MSL3: variants seen among roughly 807,000 people sequenced by gnomAD.
MSL3 encodes the protein MSL3-like 1.
A neutral mutation model predicts 37.2 loss-of-function variants in MSL3; 5 were observed. The ratio of observed to expected loss-of-function variants is 0.13; its 90% CI spans 0.07 to 0.28. The LOEUF is 0.28. MSL3 is among the 10% of genes least tolerant of loss of function. The pLI is 1.00. For synonymous variants in MSL3, 149 were observed against 147.6 expected, an observed-to-expected ratio of 1.01 and a Z score of -0.07; for missense variants, 315 against 408.5, an observed-to-expected ratio of 0.77 and a Z score of 1.97.
intron 7 of MSL3, 146 bp downstream of exon 7, chrX:11,763,143 A>C: frequency 1.9e-6 from 1 of 514,586 alleles, no homozygotes; most frequent in Non-Finnish European, 2.9e-6. Context: ...TGAATCATCT[A>C]ATATTAAAAC....
intron 9 of MSL3, chrX:11,768,183 C>T: frequency 7.6e-6 from 1 of 130,929 alleles, no homozygotes; most frequent in Non-Finnish European, 1.5e-5. Context: ...CAGCACCCCC[C>T]CACGAGAAAC....
chrX:11,759,998 C>A, intron 2 of MSL3, 123 bp downstream of exon 2: 2 of 798,611 alleles, frequency 2.5e-6, no homozygotes, highest in Non-Finnish European at 3.5e-6. Flanking sequence ...TACTTTGTAG[C>A]ATTGCAAACT....
At chrX:11,769,314 G>A (rs775885304) in intron 10 of MSL3, among the ~76,000 whole-genome samples, 2 of 112,213 alleles carry the variant, frequency 1.8e-5, no homozygotes, top group African/African-American at 6.5e-5. Context: ...TCCCTTCAGG[G>A]ATGGGCTCTA....
intron 12 of MSL3, among the ~76,000 whole-genome samples, chrX:11,774,637 T>A (rs958936760): frequency 8.9e-6 from 1 of 112,099 alleles, no homozygotes; most frequent in African/African-American, 3.2e-5. Flanking sequence ...TTGTTTTTAA[T>A]AGTTTGTTTG....
At chrX:11,766,216 CCAT>C (rs2053181746) in intron 9 of MSL3, 1 of 770,292 alleles carries the variant, frequency 1.3e-6, no homozygotes, top group Non-Finnish European at 1.5e-6. Flanking sequence ...AACTCAAACT[CCAT>C]CAGATCTTCT....
chrX:11,762,692 C>T lies in MSL3; in HGVS notation c.589-145C>T, dbSNP rs753729280. Reference sequence around the variant, plus strand: ...AAAAAAAGATCAAAGAGATTGCGAACATATTTAAGAAGTTCTATTCAAACA... The same window carrying T: ...AAAAAAAGATCAAAGAGATTGCGAATATATTTAAGAAGTTCTATTCAAACA... On this transcript the variant is annotated intron_variant, in intron 6 of 12. Transcript: ENST00000312196. The T allele has an allele frequency of 1.2e-5, 6 of 496,166 alleles. No homozygotes were observed. The African/African-American group carries it at 1.5e-4, about 12-fold the overall frequency. 40.9% of individuals were successfully genotyped at this position (496,166 alleles called of 1,213,427 possible).
Position 11,760,920 on chromosome X carries a change from A to G in MSL3, c.365A>G (p.Asp122Gly). The change falls in exon 4 of 13, where the codon GAT becomes GGT. Residue 122 changes from aspartate to glycine, a missense_variant. Transcript: ENST00000312196. ...VLKGLPTEEK[D>G]ENDENSLSSS... ...AAAGGCCTCCCCACTGAAGAAAAAG[A>G]TGAAAATGATGAAAACTGTGAGTAG... 8.4e-7 allele frequency: 1 copy of G among 1,185,004 alleles called. No homozygotes were observed. Among genetic ancestry groups the G allele is most frequent in the Non-Finnish European group, 1.1e-6 (1 of 877,896 alleles).
At chrX:11,761,452 T>C (rs1044654120) in intron 4 of MSL3, 48 bp from the exon 5 acceptor site, 1 of 861,242 alleles carries the variant, frequency 1.2e-6, no homozygotes, top group Non-Finnish European at 1.7e-6. Context: ...ACATAAGGGT[T>C]GGTGAAGTAT....
intron 4 of MSL3, 30 bp from the exon 5 acceptor site, chrX:11,761,470 G>A: frequency 2.8e-6 from 3 of 1,061,409 alleles, no homozygotes; most frequent in South Asian, 2.0e-5. Flanking sequence ...TATAAAATGC[G>A]AGTTTACCGG....
chrX:11,770,672 G>C (rs2053224863), intron 10 of MSL3, among the ~76,000 whole-genome samples: 1 of 111,148 alleles, frequency 9.0e-6, no homozygotes, highest in African/African-American at 3.3e-5. Context: ...GCCAGTAAAG[G>C]TCCATCAATG....
chrX:11,759,696 G>A, intron 1 of MSL3, 97 bp from the exon 2 acceptor site: 1 of 1,176,703 alleles, frequency 8.5e-7, no homozygotes, highest in African/African-American at 1.8e-5. Context: ...AGGAGAGAAT[G>A]CTTTCTTTAA....
At position 11,765,530 on chromosome X, in the gene MSL3, G is replaced by C. The variant is rs2053172978; in HGVS notation, c.972G>C (p.Glu324Asp). 8.3e-7 allele frequency: 1 copy of C among 1,208,230 alleles called. No individual in the cohort carries two copies. The highest frequency in any genetic ancestry group is 1.8e-5 in the South Asian group (1 of 56,592). ...LLNPSTPQST[E>D]SQPTTGEPAT... Reference sequence around the variant, plus strand: ...ATCCATCCACGCCACAGTCCACAGAGAGTCAGCCGACCACCGGTGAACCAG... The same window carrying C: ...ATCCATCCACGCCACAGTCCACAGACAGTCAGCCGACCACCGGTGAACCAG... Residue 324 changes from glutamate (E) to aspartate (D), a missense_variant, in exon 9 of 13, where the codon GAG (glutamate) becomes GAC (aspartate). Coordinates refer to ENST00000312196, the MANE Select transcript of MSL3 (RefSeq NM_078629.4).
chrX:11,768,302 A>G (rs1409149371), intron 9 of MSL3: 3 of 195,687 alleles, frequency 1.5e-5, no homozygotes, highest in Admixed American at 1.5e-4. Context: ...TTTCATATAA[A>G]TGGAAACATA....
At position 11,775,094 on chromosome X, in the gene MSL3, T is replaced by C. The variant is rs2053263609; in HGVS notation, c.*15T>C. On this transcript the variant is annotated 3_prime_UTR_variant, in exon 13 of 13. Coordinates refer to ENST00000312196, the MANE Select transcript of MSL3 (RefSeq NM_078629.4). ...CAATTTATTAAAATGTTGTTGGTTC[T>C]GTAAGAGCAACTGCTCTGTCTAGTT... The C allele has an allele frequency of 8.8e-7, 1 of 1,138,766 alleles. No individual in the cohort carries two copies. The highest frequency in any genetic ancestry group is 1.8e-5 in the African/African-American group (1 of 55,639). 93.8% of individuals were successfully genotyped at this position (1,138,766 alleles called of 1,213,427 possible).
At chrX:11,768,460 G>T (rs1186072016) in intron 9 of MSL3, 113 bp from the exon 10 acceptor site, 6 of 489,952 alleles carry the variant, frequency 1.2e-5, no homozygotes, top group Non-Finnish European at 2.1e-5. Flanking sequence ...TATCGTTAAA[G>T]GTTGGTAATT....
In MSL3 at chrX:11,758,373, C is replaced by A; in HGVS notation, c.102+8C>A. 1.8e-6 allele frequency: 2 copies of A among 1,091,308 alleles called. No individual in the cohort carries two copies. The highest frequency in any genetic ancestry group is 4.0e-5 in the East Asian group (1 of 25,159). 89.9% of individuals were successfully genotyped at this position (1,091,308 alleles called of 1,213,427 possible). The stretch of plus-strand genomic sequence containing the variant: ...GTGCTGTACGATGCCAAGGTGCCGC[C>A]GCGGAGGGACAGGGAGGAGGCGCGG... On this transcript the variant is annotated splice_region_variant and intron_variant, in intron 1 of 12. Coordinates refer to ENST00000312196, the MANE Select transcript of MSL3 (RefSeq NM_078629.4).
intron 12 of MSL3, 138 bp downstream of exon 12, chrX:11,772,843 C>T (rs2053242797): frequency 5.5e-6 from 2 of 365,373 alleles, no homozygotes; most frequent in Non-Finnish European, 9.3e-6. Context: ...TTGGTTCTAA[C>T]CGTAATGGGA....
At chrX:11,774,653 CAG>C (rs1177030974) in intron 12 of MSL3, among the ~76,000 whole-genome samples, 1 of 111,702 alleles carries the variant, frequency 9.0e-6, no homozygotes, top group Non-Finnish European at 1.9e-5. Flanking sequence ...GTTTGAACAA[CAG>C]AAAAATGTAG....
intron 6 of MSL3, 149 bp from the exon 7 acceptor site, chrX:11,762,688 C>T (rs370693179): frequency 1.6e-5 from 8 of 486,627 alleles, no homozygotes; most frequent in Admixed American, 4.6e-5. Flanking sequence ...AAAGAGATTG[C>T]GAACATATTT....
Sources: gnomAD v4.1 joint callset for allele counts (sites outside exome capture counted in the v4.1 genomes callset) on GRCh38, gnomAD v4.1.1 for gene constraint, MANE v1.5 for transcripts, NCBI Gene and HGNC (gene_info 2026-07-23, HGNC 2026-07-21) for gene names.